Variants in EIF3E observed in about 807,000 individuals in gnomAD.
EIF3E encodes the protein eIF-3 p48.
A neutral mutation model predicts 59.3 loss-of-function variants in EIF3E; 25 were observed. That is an observed-to-expected ratio of 0.42 (90% CI 0.31 to 0.59). The LOEUF is 0.59. Among genes scored for constraint, EIF3E ranks in the 20% least tolerant of loss-of-function variants. The pLI is 0.15. For missense variants in EIF3E, 317 were observed against 534.3 expected (o/e 0.59, Z 4.01); for synonymous variants, 176 against 170.2 (o/e 1.03, Z -0.26).
intron 3 of EIF3E, among the ~76,000 whole-genome samples, chr8:108,237,438 G>A (rs1216703182): frequency 6.6e-6 from 1 of 152,150 alleles, no homozygotes; most frequent in Non-Finnish European, 1.5e-5. Flanking sequence ...TTTTAGTAGA[G>A]ATGAGGTTTC....
intron 4 of EIF3E, 122 bp downstream of exon 4, chr8:108,236,039 T>C (rs1032395945): frequency 2.0e-5 from 15 of 746,192 alleles, no homozygotes; most frequent in South Asian, 3.9e-5. Flanking sequence ...CCAGATTTTA[T>C]AATTAATAAA....
At position 108,241,790 on chromosome 8, in the gene EIF3E, A is replaced by T; in HGVS notation, c.205+9T>A. Reference sequence around the variant, plus strand: ...CAAGACAAGTTTCAGTTCTAATGACAAAACTTACCATGAGGAATATCATCA... The same window carrying T: ...CAAGACAAGTTTCAGTTCTAATGACTAAACTTACCATGAGGAATATCATCA... On this transcript the variant is annotated intron_variant, in intron 2 of 12. Coordinates refer to ENST00000220849, the MANE Select transcript of EIF3E (RefSeq NM_001568.3). 6.6e-7 allele frequency: 1 copy of T among 1,523,438 alleles called. No individual in the cohort carries two copies. Among genetic ancestry groups the T allele is most frequent in the Non-Finnish European group, 8.8e-7 (1 of 1,130,778 alleles). The allele number at this position is 1,523,438 out of a possible 1,614,324, so 94.4% of individuals were successfully genotyped here.
At chr8:108,242,050 TG>T (rs1815848493) in intron 1 of EIF3E, 137 bp from the exon 2 acceptor site, 23 of 1,268,938 alleles carry the variant, frequency 1.8e-5, no homozygotes, top group Non-Finnish European at 2.0e-5. Flanking sequence ...ATTCCCCTCT[TG>T]TAATAATGGC....
At chr8:108,242,387 T>C in intron 1 of EIF3E, 3 of 1,289,420 alleles carry the variant, frequency 2.3e-6, no homozygotes, top group Non-Finnish European at 3.0e-6. Context: ...GATCAGGCTT[T>C]TGCTTTGCAA....
At chr8:108,224,209 G>A (rs1251725733) in intron 7 of EIF3E, among the ~76,000 whole-genome samples, 2 of 151,258 alleles carry the variant, frequency 1.3e-5, no homozygotes, top group Non-Finnish European at 2.9e-5. Context: ...GCGACAGAGT[G>A]AGACTCCGTC....
chr8:108,245,467 TCAAAACA>T (rs933315913), intron 1 of EIF3E, among the ~76,000 whole-genome samples: 1 of 152,172 alleles, frequency 6.6e-6, no homozygotes, highest in Non-Finnish European at 1.5e-5. Context: ...AGACCCTGTC[TCAAAACA>T]CAAAACATTA....
intron 10 of EIF3E, among the ~76,000 whole-genome samples, chr8:108,206,922 A>G (rs1815113151): frequency 6.6e-6 from 1 of 152,158 alleles, no homozygotes; most frequent in Non-Finnish European, 1.5e-5. Flanking sequence ...TTTTGCAACA[A>G]GCATCAAGAT....
At position 108,216,502 on chromosome 8, in the gene EIF3E, T is replaced by C; in HGVS notation, c.861A>G (p.Thr287=). Reference sequence around the variant, plus strand: ...CAAATTCTGTAATTGGGTCTTTATATGTGTAAGACTCCTGTAAAAATAAGT... The same window carrying C: ...CAAATTCTGTAATTGGGTCTTTATACGTGTAAGACTCCTGTAAAAATAAGT... ...LVKVIQQESY[T]YKDPITEFVE... The change falls in exon 9 of 13, where the codon ACA becomes ACG. Residue 287 remains threonine, a synonymous_variant. Transcript: ENST00000220849. The C allele has an allele frequency of 6.3e-7, 1 of 1,599,216 alleles. No individual in the cohort carries two copies. Among genetic ancestry groups the C allele is most frequent in the Non-Finnish European group, 8.5e-7 (1 of 1,172,032 alleles).
intron 7 of EIF3E, among the ~76,000 whole-genome samples, chr8:108,223,104 C>T (rs945651224): frequency 1.3e-5 from 2 of 152,080 alleles, no homozygotes; most frequent in African/African-American, 4.8e-5. Flanking sequence ...TGTAACTATG[C>T]TTACAAGTTG....
Position 108,242,520 on chromosome 8 carries a change from A to C in EIF3E, c.91-607T>G, listed in dbSNP as rs1815857658. The C allele has an allele frequency of 2.5e-6, 3 of 1,178,786 alleles. No homozygotes were observed. The African/African-American group carries it at 4.8e-5, about 19-fold the overall frequency. The allele number at this position is 1,178,786 out of a possible 1,614,324, so 73.0% of individuals were successfully genotyped here. A position where few individuals can be genotyped will look rare whatever the true frequency, so the allele number is the denominator to read the frequency against. ...AAGATTCTACAAAATATTCACGGAC[A>C]GAAATGCTTCAGCAAAAGAAAAGAT... is the stretch of plus-strand genomic sequence containing the variant. On this transcript the variant is annotated intron_variant, in intron 1 of 12. Coordinates refer to ENST00000220849, the MANE Select transcript of EIF3E (RefSeq NM_001568.3).
chr8:108,224,889 T>C (rs1815490996), intron 7 of EIF3E, among the ~76,000 whole-genome samples: 1 of 151,574 alleles, frequency 6.6e-6, no homozygotes, highest in Admixed American at 6.6e-5. Context: ...CCACCACACT[T>C]TTGCAGTTTT....
At position 108,224,072 on chromosome 8, in the gene EIF3E, A is replaced by C. The variant is rs1484703121; in HGVS notation, c.722+4195T>G. ...CTCTACTAAAAATACAAAAAAAAAA[A>C]GTAGCCAGGCGTGGTGGTGGGCGCC... On this transcript the variant is annotated intron_variant, in intron 7 of 12. Coordinates refer to ENST00000220849, the MANE Select transcript of EIF3E (RefSeq NM_001568.3). Among the ~76,000 whole-genome samples the C allele has an allele frequency of 1.3e-5, 2 of 150,278 alleles. 1 individual carries two copies. The highest frequency in any genetic ancestry group is 1.3e-4 in the Admixed American group (2 of 15,148).
chr8:108,235,132 CTTTAA>C (rs756024976), intron 4 of EIF3E, 30 bp from the exon 5 acceptor site: 33 of 1,400,920 alleles, frequency 2.4e-5, no homozygotes, highest in South Asian at 2.8e-5. Flanking sequence ...ATTAAGTTCT[CTTTAA>C]TTTAGAGTTT....
At chr8:108,208,203 T>C (rs1270000382) in intron 10 of EIF3E, among the ~76,000 whole-genome samples, 1 of 152,116 alleles carries the variant, frequency 6.6e-6, no homozygotes, top group Non-Finnish European at 1.5e-5. Flanking sequence ...TCACCTGTCT[T>C]ATTAATTACC....
At chr8:108,215,761 T>C (rs1488060561) in intron 9 of EIF3E, among the ~76,000 whole-genome samples, 1 of 152,222 alleles carries the variant, frequency 6.6e-6, no homozygotes, top group Non-Finnish European at 1.5e-5. Flanking sequence ...ACCAGTAACT[T>C]GTGAATCTGG....
chr8:108,247,938 T>C (rs1815978648), intron 1 of EIF3E, among the ~76,000 whole-genome samples: 1 of 143,088 alleles, frequency 7.0e-6, no homozygotes. Context: ...GAGTAGATAA[T>C]TGAATATTAA....
intron 10 of EIF3E, among the ~76,000 whole-genome samples, chr8:108,205,520 TG>T (rs1326499823): frequency 6.6e-6 from 1 of 152,214 alleles, no homozygotes; most frequent in Non-Finnish European, 1.5e-5. Flanking sequence ...CCACTTTCTG[TG>T]GTTTCTGTTA....
At chr8:108,248,561 C>T (rs1235171608) in intron 1 of EIF3E, 52 bp downstream of exon 1, 15 of 1,592,676 alleles carry the variant, frequency 9.4e-6, no homozygotes, top group East Asian at 8.9e-5. Flanking sequence ...TTCGGCCTTG[C>T]TCAGCACCTC....
At chr8:108,238,487 T>C (rs548160494) in intron 3 of EIF3E, among the ~76,000 whole-genome samples, 3 of 152,364 alleles carry the variant, frequency 2.0e-5, no homozygotes, top group South Asian at 2.1e-4. Context: ...AAATATCATA[T>C]AGTTGTTAGT....
Sources: gnomAD v4.1 joint callset for allele counts (sites outside exome capture counted in the v4.1 genomes callset) on GRCh38, gnomAD v4.1.1 for gene constraint, MANE v1.5 for transcripts, NCBI Gene and HGNC (gene_info 2026-07-23, HGNC 2026-07-21) for gene names.